COL25A1: variants seen among roughly 807,000 people sequenced by gnomAD.
COL25A1 encodes collagen alpha-1(XXV) chain.
COL25A1 carries 103 observed loss-of-function variants against 128.4 expected under a neutral mutation model. The observed-to-expected ratio is 0.80, with a 90% CI of 0.68 to 0.94. The LOEUF (loss-of-function observed/expected upper bound fraction) is 0.94. Ranked by LOEUF, COL25A1 falls within the 40% of genes least tolerant of loss-of-function variation. The pLI, the probability that COL25A1 is intolerant of heterozygous loss-of-function variation, is 0.00. For missense variants in COL25A1, 745 were observed against 840.0 expected (o/e 0.89, Z 1.40); for synonymous variants, 279 against 277.2 (o/e 1.01, Z -0.06).
At position 108,861,380 on chromosome 4, in the gene COL25A1, T is replaced by C. The variant is rs140926025; in HGVS notation, c.1198-409A>G. 9.4e-3 allele frequency among the ~76,000 whole-genome samples: 1,436 copies of C among 152,106 alleles called. 27 individuals carry two copies. The highest frequency in any genetic ancestry group is 0.032 in the African/African-American group (1,325 of 41,484). On this transcript the variant is annotated intron_variant, in intron 22 of 37. Transcript: ENST00000399132. ...ATTGTTTTTCCTCTGAGAAGAAAAG[T>C]GTAGATAGTTGGGACAGGAAAGGAG...
At chr4:109,191,149 C>T (rs968187758) in intron 3 of COL25A1, among the ~76,000 whole-genome samples, 2 of 152,158 alleles carry the variant, frequency 1.3e-5, no homozygotes, top group African/African-American at 4.8e-5. Context: ...TTTAAATAAG[C>T]CACAAACCAT....
chr4:109,166,980 T>G (rs372245380), intron 3 of COL25A1, among the ~76,000 whole-genome samples: 3 of 152,172 alleles, frequency 2.0e-5, no homozygotes, highest in African/African-American at 4.8e-5. Flanking sequence ...TTCATGTAAA[T>G]AATGTGCCTT....
At chr4:109,174,754 T>C (rs1459981526) in intron 3 of COL25A1, among the ~76,000 whole-genome samples, 3 of 152,248 alleles carry the variant, frequency 2.0e-5, no homozygotes, top group African/African-American at 7.2e-5. Context: ...AGCAACTTTA[T>C]TGACTATTGA....
At chr4:109,234,090 A>G (rs1438329087) in intron 3 of COL25A1, among the ~76,000 whole-genome samples, 1 of 152,186 alleles carries the variant, frequency 6.6e-6, no homozygotes, top group East Asian at 1.9e-4. Context: ...TTACTGCATT[A>G]TCACATTATA....
intron 15 of COL25A1, among the ~76,000 whole-genome samples, chr4:108,897,918 A>G (rs1742334898): frequency 6.6e-6 from 1 of 152,154 alleles, no homozygotes; most frequent in African/African-American, 2.4e-5. Flanking sequence ...AGCCTGGGAC[A>G]CTTTCTCTGA....
chr4:109,030,490 A>G (rs980095188), intron 5 of COL25A1, among the ~76,000 whole-genome samples: 24 of 152,232 alleles, frequency 1.6e-4, no homozygotes, highest in African/African-American at 5.5e-4. Flanking sequence ...CCAAGGACCC[A>G]CAGCACGAAC....
chr4:108,863,718 G>A (rs1737544714), intron 20 of COL25A1, among the ~76,000 whole-genome samples: 1 of 152,150 alleles, frequency 6.6e-6, no homozygotes, highest in Admixed American at 6.5e-5. Flanking sequence ...CTTTCAACGT[G>A]AGGGGGCACC....
intron 31 of COL25A1, chr4:108,838,010 A>C (rs1347895897): frequency 2.2e-6 from 2 of 895,822 alleles, no homozygotes; most frequent in Non-Finnish European, 3.6e-6. Flanking sequence ...CCTCAACAGT[A>C]CGAGCTGCTG....
intron 3 of COL25A1, among the ~76,000 whole-genome samples, chr4:109,083,030 C>T (rs1763993377): frequency 6.6e-6 from 1 of 152,096 alleles, no homozygotes; most frequent in African/African-American, 2.4e-5. Context: ...AAGTTTGATA[C>T]AGCCATTTCT....
Position 109,138,646 on chromosome 4 carries a change from C to G in COL25A1, c.368-88467G>C, listed in dbSNP as rs535830989. 7.2e-5 allele frequency among the ~76,000 whole-genome samples: 11 copies of G among 152,268 alleles called. No homozygotes were observed. The East Asian group carries it at 2.1e-3, about 29-fold the overall frequency. On this transcript the variant is annotated intron_variant, in intron 3 of 37. Transcript: ENST00000399132. ...TATTTCTCCACATCCTCTCCAGCAT[C>G]TGTTGTTTCCTGACTTTTTTGGTTG...
chr4:109,244,838 T>C (rs1780153963), intron 3 of COL25A1, among the ~76,000 whole-genome samples: 2 of 152,138 alleles, frequency 1.3e-5, no homozygotes, highest in South Asian at 4.1e-4. Context: ...CAGAAACTCT[T>C]AATACTATGA....
At chr4:109,003,842 T>C (rs1370369527) in intron 6 of COL25A1, among the ~76,000 whole-genome samples, 1 of 152,100 alleles carries the variant, frequency 6.6e-6, no homozygotes, top group Non-Finnish European at 1.5e-5. Context: ...TAAATGCTCA[T>C]CTGCCTTTTC....
At chr4:109,061,981 T>C (rs926727256) in intron 3 of COL25A1, among the ~76,000 whole-genome samples, 1 of 152,188 alleles carries the variant, frequency 6.6e-6, no homozygotes, top group Admixed American at 6.5e-5. Context: ...TTCTTTTCTA[T>C]GTTGCATAGG....
At chr4:109,112,063 G>T (rs1441651535) in intron 3 of COL25A1, among the ~76,000 whole-genome samples, 1 of 151,788 alleles carries the variant, frequency 6.6e-6, no homozygotes, top group Admixed American at 6.6e-5. Context: ...TTATCTTCTT[G>T]ATTTTATTTG....
intron 3 of COL25A1, among the ~76,000 whole-genome samples, chr4:109,188,766 T>A (rs1340697788): frequency 6.6e-6 from 1 of 151,968 alleles, no homozygotes; most frequent in Admixed American, 6.6e-5. Context: ...TGAGGAAACA[T>A]CTAAACATTA....
intron 3 of COL25A1, among the ~76,000 whole-genome samples, chr4:109,208,634 C>G (rs1048591642): frequency 6.6e-6 from 1 of 152,036 alleles, no homozygotes; most frequent in Non-Finnish European, 1.5e-5. Context: ...CTTCACTGAA[C>G]AAACTACAAA....
intron 3 of COL25A1, among the ~76,000 whole-genome samples, chr4:109,278,583 A>C (rs916865589): frequency 2.0e-5 from 3 of 152,228 alleles, no homozygotes; most frequent in Non-Finnish European, 4.4e-5. Context: ...AAAATTTACA[A>C]TACAATACAC....
intron 8 of COL25A1, among the ~76,000 whole-genome samples, chr4:108,963,927 T>C (rs910909198): frequency 1.3e-5 from 2 of 151,214 alleles, no homozygotes; most frequent in African/African-American, 4.8e-5. Flanking sequence ...ATATGTCACA[T>C]GAAAAAGTAA....
intron 3 of COL25A1, among the ~76,000 whole-genome samples, chr4:109,254,485 A>C (rs1202331664): frequency 1.0e-5 from 1 of 98,906 alleles, no homozygotes; most frequent in Non-Finnish European, 1.7e-5. Context: ...ATATATATAT[A>C]TATATATATA....
Sources: allele counts gnomAD v4.1 joint callset (sites outside exome capture counted in the v4.1 genomes callset), GRCh38; gene constraint gnomAD v4.1.1; transcripts MANE v1.5; gene names NCBI Gene and HGNC (gene_info 2026-07-23, HGNC 2026-07-21).